Variants in SLC7A1 observed in about 807,000 individuals in gnomAD.
The protein encoded by SLC7A1 is high affinity cationic amino acid transporter 1.
SLC7A1 carries 10 observed loss-of-function variants against 53.9 expected under a neutral mutation model. That is an observed-to-expected ratio of 0.19 (90% CI 0.11 to 0.31). The LOEUF (loss-of-function observed/expected upper bound fraction) is 0.31, where lower values mean the gene tolerates loss of function less well. SLC7A1 is among the 10% of genes least tolerant of loss of function. SLC7A1 has a pLI of 1.00. For missense variants in SLC7A1, 525 were observed against 827.2 expected (o/e 0.63, Z 4.48); for synonymous variants, 342 against 338.7 (o/e 1.01, Z -0.11).
intron 1 of SLC7A1, among the ~76,000 whole-genome samples, chr13:29,576,802 C>T (rs77037360): frequency 0.018 from 2,667 of 152,218 alleles, 64 homozygotes; most frequent in African/African-American, 0.06. Context: ...ACCATTGCCT[C>T]GATTCTCAGA....
At position 29,595,441 on chromosome 13, in the gene SLC7A1, C is replaced by A; in HGVS notation, c.-140G>T. ...CAAGCCGGCGGCGGCGGGGCTCCGG[C>A]AGGATCGCGAACAGACAGACTGTCG... On this transcript the variant is annotated 5_prime_UTR_variant, in exon 1 of 13. Transcript: ENST00000380752. 6.6e-6 allele frequency: 1 copy of A among 151,854 alleles called. No individual in the cohort carries two copies. The highest frequency in any genetic ancestry group is 2.0e-4 in the South Asian group (1 of 5,010). The allele number at this position is 151,854 out of a possible 1,614,324, so 9.4% of individuals were successfully genotyped here. A position where few individuals can be genotyped will look rare whatever the true frequency, so the allele number is the denominator to read the frequency against.
chr13:29,537,510 G>T (rs1375406813), intron 2 of SLC7A1, among the ~76,000 whole-genome samples: 1 of 152,198 alleles, frequency 6.6e-6, no homozygotes, highest in African/African-American at 2.4e-5. Flanking sequence ...ACAGAAAAAG[G>T]ACACCTGGGG....
chr13:29,540,128 T>G (rs749338606), intron 2 of SLC7A1, among the ~76,000 whole-genome samples: 1 of 152,200 alleles, frequency 6.6e-6, no homozygotes, highest in Non-Finnish European at 1.5e-5. Context: ...CGCACAGACT[T>G]AGCTAACCAT....
chr13:29,575,185 C>G (rs952403200), intron 1 of SLC7A1, among the ~76,000 whole-genome samples: 17 of 152,286 alleles, frequency 1.1e-4, no homozygotes, highest in African/African-American at 4.1e-4. Context: ...GTTACCGTTG[C>G]AACTGTTCTT....
At chr13:29,586,457 C>A (rs280918) in intron 1 of SLC7A1, among the ~76,000 whole-genome samples, 26,932 of 152,178 alleles carry the variant, frequency 0.18, 3,278 homozygotes, top group African/African-American at 0.34. Flanking sequence ...TCTCATTAAG[C>A]TAACACGGAA....
intron 2 of SLC7A1, among the ~76,000 whole-genome samples, chr13:29,544,636 T>C (rs1057180274): frequency 1.3e-5 from 2 of 152,126 alleles, no homozygotes. Flanking sequence ...ATAACTTCTA[T>C]AACATTCTCC....
At chr13:29,574,966 T>G (rs1439369081) in intron 1 of SLC7A1, among the ~76,000 whole-genome samples, 1 of 152,190 alleles carries the variant, frequency 6.6e-6, no homozygotes, top group East Asian at 1.9e-4. Context: ...ACTTCTTTAC[T>G]TTTTAACCAG....
chr13:29,579,143 C>T (rs1283011050), intron 1 of SLC7A1, among the ~76,000 whole-genome samples: 2 of 152,136 alleles, frequency 1.3e-5, no homozygotes, highest in Non-Finnish European at 2.9e-5. Flanking sequence ...TTTGATGAAG[C>T]CTGTATATAT....
chr13:29,553,680 T>A (rs942259911), intron 2 of SLC7A1, 81 bp downstream of exon 2: 11 of 152,212 alleles, frequency 7.2e-5, no homozygotes, highest in Admixed American at 6.5e-4. Flanking sequence ...AACAGACAAC[T>A]AGCAGTCTAA....
chr13:29,521,377 T>C (rs959612634), intron 8 of SLC7A1, among the ~76,000 whole-genome samples: 6 of 152,186 alleles, frequency 3.9e-5, no homozygotes, highest in South Asian at 2.1e-4. Context: ...TGATCTCACA[T>C]GCCCTAATTT....
intron 1 of SLC7A1, among the ~76,000 whole-genome samples, chr13:29,580,655 G>T (rs1413794708): frequency 6.6e-6 from 1 of 152,222 alleles, no homozygotes; most frequent in Non-Finnish European, 1.5e-5. Flanking sequence ...CTATAAAGCA[G>T]AGAGACTATT....
rs369089833 is a variant in SLC7A1, at chr13:29,555,226, C to T, written c.-114-1366G>A. 2.2e-3 allele frequency among the ~76,000 whole-genome samples: 323 copies of T among 147,014 alleles called. 2 individuals are homozygous for T. The highest frequency in any genetic ancestry group is 7.6e-3 in the African/African-American group (305 of 40,094). On this transcript the variant is annotated intron_variant, in intron 1 of 12. Transcript: ENST00000380752. ...ACAAAAAATTAGCCGGGCGTAGTGG[C>T]GGGCGCCTGTAGTCCCAGCTACTTG... is the stretch of plus-strand genomic sequence containing the variant.
intron 4 of SLC7A1, among the ~76,000 whole-genome samples, chr13:29,531,729 G>T (rs1282074851): frequency 6.6e-6 from 1 of 152,112 alleles, no homozygotes; most frequent in Non-Finnish European, 1.5e-5. Context: ...AGCTACTGGG[G>T]AGGCTGAGGT....
intron 1 of SLC7A1, among the ~76,000 whole-genome samples, chr13:29,578,696 C>T (rs776221704): frequency 9.9e-5 from 15 of 152,228 alleles, no homozygotes; most frequent in Middle Eastern, 3.2e-3. Context: ...AGCTCTTGCC[C>T]GGTGCCTTTT....
intron 1 of SLC7A1, among the ~76,000 whole-genome samples, chr13:29,588,528 G>A (rs1346022389): frequency 6.9e-6 from 1 of 144,142 alleles, no homozygotes; most frequent in Non-Finnish European, 1.5e-5. Context: ...TTTTGAGACA[G>A]TATCTCACTC....
At chr13:29,570,322 T>C (rs901376855) in intron 1 of SLC7A1, among the ~76,000 whole-genome samples, 1 of 152,340 alleles carries the variant, frequency 6.6e-6, no homozygotes, top group Non-Finnish European at 1.5e-5. Context: ...AAAAATTCTT[T>C]CCATGTCCCA....
chr13:29,550,578 C>T (rs1347754972), intron 2 of SLC7A1, among the ~76,000 whole-genome samples: 4 of 152,202 alleles, frequency 2.6e-5, no homozygotes, highest in Non-Finnish European at 5.9e-5. Context: ...GAGCTGACAG[C>T]AGCCTGCATG....
chr13:29,526,582 T>A (rs1215948227), intron 5 of SLC7A1, among the ~76,000 whole-genome samples: 1 of 152,102 alleles, frequency 6.6e-6, no homozygotes, highest in Admixed American at 6.5e-5. Context: ...CAGAGGCACC[T>A]AGAAAGGTCC....
At position 29,560,310 on chromosome 13, in the gene SLC7A1, T is replaced by C. The variant is rs578169685; in HGVS notation, c.-114-6450A>G. On this transcript the variant is annotated intron_variant, in intron 1 of 12. Coordinates refer to ENST00000380752, the MANE Select transcript of SLC7A1 (RefSeq NM_003045.5). ...CACAAGGAGCTGTGATCTCCTGTGA[T>C]AACAATGCCTTCTTCTGAAATACTT... Among the ~76,000 whole-genome samples, 9 of 152,218 alleles carry C rather than the reference T, an allele frequency of 5.9e-5. No homozygotes were observed. In the South Asian group the frequency reaches 1.7e-3, roughly 28 times the overall value.
Sources: gnomAD v4.1 joint callset for allele counts (sites outside exome capture counted in the v4.1 genomes callset) on GRCh38, gnomAD v4.1.1 for gene constraint, MANE v1.5 for transcripts, NCBI Gene and HGNC (gene_info 2026-07-23, HGNC 2026-07-21) for gene names.